LNPEP: variants seen among roughly 807,000 people sequenced by gnomAD.
LNPEP encodes the protein leucyl-cystinyl aminopeptidase.
LNPEP carries 64 observed loss-of-function variants against 120.6 expected under a neutral mutation model. That is an observed-to-expected ratio of 0.53 (90% CI 0.43 to 0.65). The LOEUF is 0.65. LNPEP is among the 30% of genes least tolerant of loss of function. LNPEP has a pLI of 0.00. For synonymous variants in LNPEP, 435 were observed against 425.4 expected, an observed-to-expected ratio of 1.02 and a Z score of -0.28; for missense variants, 1,057 against 1,200.0, an observed-to-expected ratio of 0.88 and a Z score of 1.76.
intron 1 of LNPEP, among the ~76,000 whole-genome samples, chr5:96,977,918 C>G (rs1790040648): frequency 6.6e-6 from 1 of 152,078 alleles, no homozygotes. Flanking sequence ...ACTTTTGAAT[C>G]AAATTTTTAG....
chr5:96,960,090 C>T (rs1468519952), intron 1 of LNPEP, among the ~76,000 whole-genome samples: 1 of 151,792 alleles, frequency 6.6e-6, no homozygotes, highest in East Asian at 1.9e-4. Context: ...AGGCATGTAC[C>T]ACCACACCTG....
chr5:96,951,570 T>C (rs1789326206), intron 1 of LNPEP, among the ~76,000 whole-genome samples: 1 of 152,172 alleles, frequency 6.6e-6, no homozygotes, highest in African/African-American at 2.4e-5. Flanking sequence ...GGGTTAGTGC[T>C]TTAATATGTG....
intron 1 of LNPEP, among the ~76,000 whole-genome samples, chr5:96,966,649 A>G (rs1042222462): frequency 1.3e-5 from 2 of 151,854 alleles, no homozygotes; most frequent in African/African-American, 4.8e-5. Flanking sequence ...AAATGTGGAT[A>G]ATAACTGCCC....
Position 96,979,604 on chromosome 5 carries a change from A to G in LNPEP, c.486A>G (p.Pro162=), listed in dbSNP as rs773830278. 6 of 1,614,004 alleles carry G rather than the reference A, an allele frequency of 3.7e-6. No homozygotes were observed. Among genetic ancestry groups the G allele is most frequent in the African/African-American group, 1.3e-5 (1 of 74,928 alleles). Residue 162 remains proline, a synonymous_variant, in exon 2 of 18, where the codon CCA becomes CCG. Transcript: ENST00000231368. Reference sequence around the variant, plus strand: ...TTGCAACAAATGGGAAATTGTTTCCATGGGCACAGATCAGGCTTCCCACTG... The same window carrying G: ...TTGCAACAAATGGGAAATTGTTTCCGTGGGCACAGATCAGGCTTCCCACTG... The part of the protein sequence containing the change: ...QPFATNGKLF[P]WAQIRLPTAV...
intron 1 of LNPEP, among the ~76,000 whole-genome samples, chr5:96,961,761 A>T (rs1195989678): frequency 6.6e-6 from 1 of 152,134 alleles, no homozygotes; most frequent in Non-Finnish European, 1.5e-5. Context: ...AACATAATAC[A>T]ATGTAAATAC....
intron 11 of LNPEP, chr5:97,010,740 G>T (rs371026612): frequency 1.0e-6 from 1 of 985,274 alleles, no homozygotes. Flanking sequence ...ACTGAAAATT[G>T]AAGTGTTAAT....
intron 4 of LNPEP, among the ~76,000 whole-genome samples, chr5:96,990,669 G>T (rs1790368675): frequency 6.6e-6 from 1 of 152,090 alleles, no homozygotes; most frequent in South Asian, 2.1e-4. Flanking sequence ...TTATGGATAA[G>T]GAAAGTAAGG....
chr5:97,007,773 T>C (rs530630113), intron 11 of LNPEP, among the ~76,000 whole-genome samples: 1 of 152,322 alleles, frequency 6.6e-6, no homozygotes, highest in Non-Finnish European at 1.5e-5. Flanking sequence ...TTGCCTTAAT[T>C]AAATATTTCA....
intron 11 of LNPEP, among the ~76,000 whole-genome samples, chr5:97,007,383 C>T (rs1790811659): frequency 6.6e-6 from 1 of 152,036 alleles, no homozygotes; most frequent in South Asian, 2.1e-4. Flanking sequence ...AGCCTCATTC[C>T]CTCAGCTGTA....
Position 96,945,498 on chromosome 5 carries a change from C to T in LNPEP, c.19+9324C>T, listed in dbSNP as rs555567863. 7.5e-3 allele frequency among the ~76,000 whole-genome samples: 1,130 copies of T among 151,674 alleles called. 11 individuals are homozygous for T. Among genetic ancestry groups the T allele is most frequent in the Non-Finnish European group, 0.012 (843 of 67,950 alleles). ...TTTGCAGGGCCATTTCAAAATAGGT[C>T]TAAGAAATATATTTTGGGGTAAAAT... On this transcript the variant is annotated intron_variant, in intron 1 of 17. Transcript: ENST00000231368.
intron 1 of LNPEP, among the ~76,000 whole-genome samples, chr5:96,978,764 G>A (rs954591686): frequency 6.6e-6 from 1 of 152,164 alleles, no homozygotes; most frequent in Non-Finnish European, 1.5e-5. Context: ...CTCGCCTGGT[G>A]GGGACAGACA....
chr5:96,964,460 G>A (rs1035341293), intron 1 of LNPEP, among the ~76,000 whole-genome samples: 1 of 151,906 alleles, frequency 6.6e-6, no homozygotes, highest in Non-Finnish European at 1.5e-5. Context: ...TTATTTAAAT[G>A]TTTATAACCT....
chr5:97,030,970 T>G lies in LNPEP; in HGVS notation c.*2437T>G, dbSNP rs1791457568. ...GTTAAATGAGAGGTAGAACTTGTAG[T>G]GTAATAGGTATAATGGTAGCTTTCA... On this transcript the variant is annotated 3_prime_UTR_variant, in exon 18 of 18. Transcript: ENST00000231368. 1 of 151,942 alleles carries G rather than the reference T, an allele frequency of 6.6e-6. No homozygotes were observed. Among genetic ancestry groups the G allele is most frequent in the South Asian group, 2.1e-4 (1 of 4,806 alleles). The allele number at this position is 151,942 out of a possible 1,614,324, so 9.4% of individuals were successfully genotyped here.
At chr5:97,024,057 T>G (rs945932304) in intron 14 of LNPEP, among the ~76,000 whole-genome samples, 1 of 152,078 alleles carries the variant, frequency 6.6e-6, no homozygotes, top group Non-Finnish European at 1.5e-5. Context: ...AGAGTTGGGG[T>G]GGAGGATTTG....
chr5:96,946,354 A>G (rs1789186268), intron 1 of LNPEP, among the ~76,000 whole-genome samples: 2 of 152,238 alleles, frequency 1.3e-5, no homozygotes, highest in African/African-American at 4.8e-5. Flanking sequence ...ACACAGAAAA[A>G]TAATTGAATA....
rs140787774 is a variant in LNPEP at position 96,983,502 on chromosome 5, G to C, written c.861-1578G>C. 3.1e-3 allele frequency among the ~76,000 whole-genome samples: 468 copies of C among 152,214 alleles called. 6 individuals carry two copies. Among genetic ancestry groups the C allele is most frequent in the Admixed American group, 0.022 (333 of 15,278 alleles). On this transcript the variant is annotated intron_variant, in intron 2 of 17. Transcript: ENST00000231368. ...GCTCTGTCGCCCAGGTTGGAGTGCA[G>C]TGGTGCAATCTTGGCTGACTGCAGC...
At position 97,036,812 on chromosome 5, in the gene LNPEP, G is replaced by C. The variant is rs1334802652; in HGVS notation, c.*8279G>C. The C allele has an allele frequency of 6.6e-6, 1 of 152,040 alleles. No individual in the cohort carries two copies. The highest frequency in any genetic ancestry group is 2.4e-5 in the African/African-American group (1 of 41,404). The allele number at this position is 152,040 out of a possible 1,614,324, so 9.4% of individuals were successfully genotyped here. A position where few individuals can be genotyped will look rare whatever the true frequency, so the allele number is the denominator to read the frequency against. On this transcript the variant is annotated 3_prime_UTR_variant, in exon 18 of 18. Transcript: ENST00000231368. Reference sequence around the variant, plus strand: ...CTATACTTTGCTATTACTTATACCTGCTGCCATAGAAAAAAATAAGTTTAT... The same window carrying C: ...CTATACTTTGCTATTACTTATACCTCCTGCCATAGAAAAAAATAAGTTTAT...
In LNPEP at chr5:96,989,247, A is replaced by C. The variant is rs562233887; in HGVS notation, c.1131+2577A>C. On this transcript the variant is annotated intron_variant, in intron 4 of 17. Transcript: ENST00000231368. The stretch of plus-strand genomic sequence containing the variant: ...TATATATATGTGTGTGTGTAAGTGT[A>C]TAATATTTGTGTATATATGATATAT... 1.9e-4 allele frequency among the ~76,000 whole-genome samples: 27 copies of C among 143,210 alleles called. No individual in the cohort carries two copies. In the South Asian group the frequency reaches 5.8e-3, roughly 31 times the overall value. The allele number at this position is 143,210 out of a possible 152,430, so 94.0% of individuals were successfully genotyped here. A position where few individuals can be genotyped will look rare whatever the true frequency, so the allele number is the denominator to read the frequency against.
At chr5:97,005,058 G>A (rs1394835559) in intron 9 of LNPEP, among the ~76,000 whole-genome samples, 2 of 152,054 alleles carry the variant, frequency 1.3e-5, no homozygotes, top group South Asian at 2.1e-4. Context: ...AAGCACCTTG[G>A]TTTTAGGCAA....
Sources: allele counts gnomAD v4.1 joint callset (sites outside exome capture counted in the v4.1 genomes callset), GRCh38; gene constraint gnomAD v4.1.1; transcripts MANE v1.5; gene names NCBI Gene and HGNC (gene_info 2026-07-23, HGNC 2026-07-21).